Variants in CCNYL1 observed in about 807,000 individuals in gnomAD.
The protein encoded by CCNYL1 is cyclin Y like 1, also known as cyclin-Y-like protein 1.
In CCNYL1, 16 loss-of-function variants were observed where a neutral mutation model predicts 44.2. The ratio of observed to expected loss-of-function variants is 0.36; its 90% CI spans 0.25 to 0.55. The LOEUF is 0.55. Ranked by LOEUF, CCNYL1 falls within the 20% of genes least tolerant of loss-of-function variation. The pLI, the probability that CCNYL1 is intolerant of heterozygous loss-of-function variation, is 0.85. For missense variants in CCNYL1, 348 were observed against 451.8 expected, an observed-to-expected ratio of 0.77 and a Z score of 2.08; for synonymous variants, 159 against 163.2, an observed-to-expected ratio of 0.97 and a Z score of 0.20.
intron 8 of CCNYL1, chr2:207,750,736 C>A: frequency 2.2e-6 from 1 of 452,638 alleles, no homozygotes; most frequent in Non-Finnish European, 3.9e-6. Flanking sequence ...CATCGGAGGC[C>A]GTAACCTTCA....
intron 1 of CCNYL1, among the ~76,000 whole-genome samples, chr2:207,718,155 T>C (rs1024148915): frequency 3.9e-5 from 6 of 152,120 alleles, no homozygotes; most frequent in Non-Finnish European, 8.8e-5. Context: ...CCACCCACCC[T>C]GGCCTCCCAA....
At chr2:207,721,726 A>C (rs1342520721) in intron 1 of CCNYL1, among the ~76,000 whole-genome samples, 3 of 148,724 alleles carry the variant, frequency 2.0e-5, no homozygotes, top group Non-Finnish European at 4.4e-5. Context: ...CATTCTTAGG[A>C]GTTTTTTGTT....
Position 207,722,372 on chromosome 2 carries a change from C to T in CCNYL1, c.221-2428C>T, listed in dbSNP as rs377600759. Among the ~76,000 whole-genome samples, 71 of 151,950 alleles carry T rather than the reference C, an allele frequency of 4.7e-4. No homozygotes were observed. The East Asian group carries it at 7.2e-3, about 15-fold the overall frequency. On this transcript the variant is annotated intron_variant, in intron 1 of 9. Coordinates refer to ENST00000295414, the MANE Select transcript of CCNYL1 (RefSeq NM_001330218.2). ...ACAGGCATGAGCCACCATGCCCAGC[C>T]GCCTTGGATATTTCTTATATTTACA...
chr2:207,753,066 C>T (rs956172709), intron 9 of CCNYL1, among the ~76,000 whole-genome samples: 2 of 151,924 alleles, frequency 1.3e-5, no homozygotes, highest in Non-Finnish European at 2.9e-5. Context: ...TGTATTTCTA[C>T]CATAATTAAC....
intron 1 of CCNYL1, among the ~76,000 whole-genome samples, chr2:207,720,144 T>C (rs976559321): frequency 7.8e-6 from 1 of 128,812 alleles, no homozygotes; most frequent in Non-Finnish European, 1.5e-5. Flanking sequence ...GCCGAGATCA[T>C]GCCACTGCAC....
At chr2:207,746,898 C>A (rs2091858529) in intron 7 of CCNYL1, 149 bp from the exon 8 acceptor site, 1 of 570,934 alleles carries the variant, frequency 1.8e-6, no homozygotes, top group Non-Finnish European at 3.0e-6. Flanking sequence ...ATCACTTGAA[C>A]CTGGGAGGCG....
chr2:207,752,672 T>A (rs919998258), intron 9 of CCNYL1, among the ~76,000 whole-genome samples: 5 of 152,246 alleles, frequency 3.3e-5, no homozygotes, highest in African/African-American at 1.2e-4. Context: ...ACACATATTT[T>A]AAACTAACAC....
chr2:207,745,808 G>A (rs1193789741), intron 7 of CCNYL1, among the ~76,000 whole-genome samples: 1 of 152,148 alleles, frequency 6.6e-6, no homozygotes, highest in Admixed American at 6.5e-5. Context: ...AATTAGCCAG[G>A]CGTGCTGGCG....
At chr2:207,727,560 T>G (rs1303179329) in intron 3 of CCNYL1, among the ~76,000 whole-genome samples, 1 of 152,202 alleles carries the variant, frequency 6.6e-6, no homozygotes, top group Admixed American at 6.5e-5. Context: ...ATTTCCTGAC[T>G]ATATTCATTT....
chr2:207,730,951 C>T (rs986760965), intron 3 of CCNYL1, among the ~76,000 whole-genome samples: 1 of 151,958 alleles, frequency 6.6e-6, no homozygotes, highest in Non-Finnish European at 1.5e-5. Context: ...AATTTAGAAC[C>T]TTTATTTAAA....
Position 207,755,854 on chromosome 2 carries a change from C to G in CCNYL1, c.*2156C>G, listed in dbSNP as rs575546203. On this transcript the variant is annotated 3_prime_UTR_variant, in exon 10 of 10. Transcript: ENST00000295414. ...AACTATGTGAAATCTGTTTCTCCTA[C>G]TTTCTCAAATCTAATCCTAGGAATC... 6.6e-6 allele frequency: 1 copy of G among 152,312 alleles called. No homozygotes were observed. The highest frequency in any genetic ancestry group is 1.9e-4 in the East Asian group (1 of 5,190). 9.4% of individuals were successfully genotyped at this position (152,312 alleles called of 1,614,324 possible).
rs1445772673 is a variant in CCNYL1, at chr2:207,711,837, T to A, written c.-60T>A. Reference sequence around the variant, plus strand: ...CCATTGTTGGGGGAGGGGGCGGCTGTTGAGGGCGGCGGAGTAGGGGGCGAG... The same window carrying A: ...CCATTGTTGGGGGAGGGGGCGGCTGATGAGGGCGGCGGAGTAGGGGGCGAG... On this transcript the variant is annotated 5_prime_UTR_variant, in exon 1 of 10. The change creates a new upstream start codon in the 5' untranslated region. Transcript: ENST00000295414. The A allele has an allele frequency of 1.7e-6, 2 of 1,200,798 alleles. No individual in the cohort carries two copies. The highest frequency in any genetic ancestry group is 1.6e-5 in the African/African-American group (1 of 62,268). The allele number at this position is 1,200,798 out of a possible 1,614,324, so 74.4% of individuals were successfully genotyped here.
chr2:207,732,882 T>C (rs1027322831), intron 3 of CCNYL1, among the ~76,000 whole-genome samples: 6 of 152,222 alleles, frequency 3.9e-5, no homozygotes, highest in African/African-American at 1.4e-4. Context: ...TTCCAAATTG[T>C]AACTGATTTA....
intron 1 of CCNYL1, among the ~76,000 whole-genome samples, chr2:207,721,158 A>G (rs2091637691): frequency 6.6e-6 from 1 of 152,208 alleles, no homozygotes; most frequent in African/African-American, 2.4e-5. Context: ...AGAGCAGGTC[A>G]GTAAATGCAG....
chr2:207,743,324 A>G (rs140938585), intron 7 of CCNYL1, among the ~76,000 whole-genome samples: 12 of 152,334 alleles, frequency 7.9e-5, no homozygotes, highest in South Asian at 2.1e-4. Flanking sequence ...TTTAAGCTCT[A>G]TGTGCCTGTG....
intron 6 of CCNYL1, 114 bp from the exon 7 acceptor site, chr2:207,742,109 C>A (rs1177289854): frequency 4.0e-6 from 4 of 1,000,792 alleles, no homozygotes; most frequent in Non-Finnish European, 5.8e-6. Flanking sequence ...CAAGATCATG[C>A]CATTGCACTC....
intron 4 of CCNYL1, among the ~76,000 whole-genome samples, chr2:207,737,080 TA>T (rs2091771452): frequency 1.3e-5 from 2 of 152,154 alleles, no homozygotes; most frequent in South Asian, 4.1e-4. Context: ...CACGCCCGGC[TA>T]ATTTTTTGTA....
At chr2:207,737,213 C>T (rs766173548) in intron 4 of CCNYL1, among the ~76,000 whole-genome samples, 198 bp from the exon 5 acceptor site, 6 of 152,160 alleles carry the variant, frequency 3.9e-5, no homozygotes, top group Non-Finnish European at 5.9e-5. Flanking sequence ...CTGCGCCCGG[C>T]CTTACTTAGC....
Position 207,711,869 on chromosome 2 carries a change from C to T in CCNYL1, c.-28C>T, listed in dbSNP as rs926511930. Reference sequence around the variant, plus strand: ...CGGCGGAGTAGGGGGCGAGCGAAGGCGGTGGCAGAGAGGAGCGGAGGCTTC... The same window carrying T: ...CGGCGGAGTAGGGGGCGAGCGAAGGTGGTGGCAGAGAGGAGCGGAGGCTTC... On this transcript the variant is annotated 5_prime_UTR_variant, in exon 1 of 10. Transcript: ENST00000295414. 4.5e-6 allele frequency: 6 copies of T among 1,347,152 alleles called. No individual in the cohort carries two copies. In the African/African-American group the frequency reaches 7.7e-5, roughly 17 times the overall value. 83.4% of individuals were successfully genotyped at this position (1,347,152 alleles called of 1,614,324 possible). A position where few individuals can be genotyped will look rare whatever the true frequency, so the allele number is the denominator to read the frequency against.
Sources: allele counts gnomAD v4.1 joint callset (sites outside exome capture counted in the v4.1 genomes callset), GRCh38; gene constraint gnomAD v4.1.1; transcripts MANE v1.5; gene names NCBI Gene and HGNC (gene_info 2026-07-23, HGNC 2026-07-21).